Variants in CRISP1 observed in about 807,000 individuals in gnomAD.
CRISP1 encodes cysteine-rich secretory protein 1.
Under a neutral mutation model 33.1 loss-of-function variants are expected in CRISP1, and 44 were observed. That is an observed-to-expected ratio of 1.33 (90% CI 1.05 to 1.71). The LOEUF is 1.71. CRISP1 is among the 40% of genes most tolerant of loss of function. The pLI, the probability that CRISP1 is intolerant of heterozygous loss-of-function variation, is 0.00. For missense variants in CRISP1, 390 were observed against 301.2 expected (o/e 1.29, Z -2.18); for synonymous variants, 103 against 98.7 (o/e 1.04, Z -0.26).
intron 5 of CRISP1, 45 bp downstream of exon 5, chr6:49,846,475 G>A (rs368905208): frequency 7.6e-6 from 12 of 1,575,520 alleles, no homozygotes; most frequent in Non-Finnish European, 1.0e-5. Context: ...CCACACACAT[G>A]CTTATCTCTT....
At chr6:49,837,514 A>G (rs187796154) in intron 7 of CRISP1, among the ~76,000 whole-genome samples, 1 of 152,184 alleles carries the variant, frequency 6.6e-6, no homozygotes, top group East Asian at 1.9e-4. Context: ...GGGTATAAAA[A>G]GTGAAGTGGA....
chr6:49,864,955 G>T (rs965084675), intron 1 of CRISP1, among the ~76,000 whole-genome samples: 17 of 151,016 alleles, frequency 1.1e-4, no homozygotes, highest in Non-Finnish European at 2.2e-4. Context: ...GCATGTGTTG[G>T]CATGTGTGTG....
intron 1 of CRISP1, among the ~76,000 whole-genome samples, chr6:49,873,387 A>G (rs1771968932): frequency 6.6e-6 from 1 of 152,050 alleles, no homozygotes; most frequent in South Asian, 2.1e-4. Context: ...TTGATTAATG[A>G]TTAAATATTA....
At chr6:49,843,743 G>T (rs770331125) in intron 5 of CRISP1, among the ~76,000 whole-genome samples, 10 of 152,194 alleles carry the variant, frequency 6.6e-5, no homozygotes, top group Admixed American at 1.3e-4. Context: ...GAGACTGGAA[G>T]TTCTTAAGTG....
At chr6:49,854,695 C>T (rs976207413) in intron 2 of CRISP1, among the ~76,000 whole-genome samples, 1 of 152,242 alleles carries the variant, frequency 6.6e-6, no homozygotes, top group East Asian at 1.9e-4. Flanking sequence ...AATAGAGCCT[C>T]GCATTTACCT....
intron 5 of CRISP1, 129 bp from the exon 6 acceptor site, chr6:49,841,124 G>A (rs1770973251): frequency 6.6e-6 from 5 of 758,480 alleles, no homozygotes; most frequent in Non-Finnish European, 6.4e-6. Flanking sequence ...GGCTTAATAA[G>A]AAGTCATAGA....
At chr6:49,837,858 A>G (rs544118206) in intron 7 of CRISP1, among the ~76,000 whole-genome samples, 1 of 151,940 alleles carries the variant, frequency 6.6e-6, no homozygotes, top group Non-Finnish European at 1.5e-5. Flanking sequence ...AATGGCACCC[A>G]TTTGGCTAAA....
chr6:49,846,512 C>T lies in CRISP1; in HGVS notation c.435+8G>A. The T allele has an allele frequency of 6.2e-7, 1 of 1,610,724 alleles. No individual in the cohort carries two copies. ...AACAATGTGTGTGTTTGCCAGCACACAGGTTACCTGAGTGTAGTGGTCAGT... is the reference window on the plus strand; with the variant it reads ...AACAATGTGTGTGTTTGCCAGCACATAGGTTACCTGAGTGTAGTGGTCAGT... On this transcript the variant is annotated splice_region_variant and intron_variant, in intron 5 of 7. Transcript: ENST00000335847.
intron 1 of CRISP1, among the ~76,000 whole-genome samples, chr6:49,863,885 T>A (rs1771722750): frequency 6.6e-6 from 1 of 152,254 alleles, no homozygotes; most frequent in South Asian, 2.1e-4. Context: ...CCTCAGTGAA[T>A]CTGTTATTTG....
chr6:49,844,798 G>A (rs570718009), intron 5 of CRISP1, among the ~76,000 whole-genome samples: 1 of 152,300 alleles, frequency 6.6e-6, no homozygotes, highest in African/African-American at 2.4e-5. Context: ...AAATGAGAAT[G>A]TCTATCCTAT....
exon 1 of CRISP1, chr6:49,877,037 A>C (rs944887345): frequency 1.3e-5 from 2 of 151,944 alleles, no homozygotes; most frequent in Non-Finnish European, 2.9e-5. Flanking sequence ...AGTTAAAATA[A>C]AAGTTGAAGA....
At position 49,857,176 on chromosome 6, in the gene CRISP1, A is replaced by T. The variant is rs192912585; in HGVS notation, c.66+159T>A. On this transcript the variant is annotated intron_variant, in intron 2 of 7. Coordinates refer to ENST00000335847, the MANE Select transcript of CRISP1 (RefSeq NM_001131.3). ...TTGGTTCTCTCCTTTATAAAATGGT[A>T]TTAAGATGAGTACTTGCCTAACAGG... Among the ~76,000 whole-genome samples the T allele has an allele frequency of 4.7e-4, 71 of 152,294 alleles. 1 individual carries two copies. Among genetic ancestry groups the T allele is most frequent in the African/African-American group, 1.6e-3 (66 of 41,578 alleles).
chr6:49,848,178 C>A, intron 4 of CRISP1, 31 bp downstream of exon 4: 2 of 1,225,796 alleles, frequency 1.6e-6, no homozygotes, highest in Non-Finnish European at 2.3e-6. Context: ...TTTTTTTAGT[C>A]CAAAGGCGGG....
chr6:49,848,208 C>A lies in CRISP1; in HGVS notation c.286+1G>T. The A allele has an allele frequency of 6.5e-7, 1 of 1,549,678 alleles. No individual in the cohort carries two copies. Among genetic ancestry groups the A allele is most frequent in the Non-Finnish European group, 8.7e-7 (1 of 1,145,250 alleles). ...GGCGGGTCATATAGATACACACTTA[C>A]TTGGAAGTCTCCTCTCAAGGGGGTT... On this transcript the variant is annotated splice_donor_variant, in intron 4 of 7. Transcript: ENST00000335847. LOFTEE classifies it high-confidence loss of function.
chr6:49,844,273 C>A (rs1286970326), intron 5 of CRISP1, among the ~76,000 whole-genome samples: 1 of 152,144 alleles, frequency 6.6e-6, no homozygotes, highest in East Asian at 1.9e-4. Context: ...GGAGGTACTG[C>A]CAGTTTGAAC....
upstream of CRISP1, among the ~76,000 whole-genome samples, chr6:49,867,258 A>C (rs1771820537): frequency 6.6e-6 from 1 of 152,070 alleles, no homozygotes; most frequent in Admixed American, 6.6e-5. Flanking sequence ...AGAATAGAAA[A>C]TTTACTCTGA....
chr6:49,835,216 G>T lies in CRISP1; in HGVS notation c.*100C>A. On this transcript the variant is annotated 3_prime_UTR_variant, in exon 8 of 8. Coordinates refer to ENST00000335847, the MANE Select transcript of CRISP1 (RefSeq NM_001131.3). The stretch of plus-strand genomic sequence containing the variant: ...GGTCTCCAGCATGATTAAAATCAGT[G>T]AAATTTAGCAGAAGCTACTGAACTA... 7.7e-7 allele frequency: 1 copy of T among 1,294,172 alleles called. No individual in the cohort carries two copies. The highest frequency in any genetic ancestry group is 1.1e-6 in the Non-Finnish European group (1 of 941,054). The allele number at this position is 1,294,172 out of a possible 1,614,324, so 80.2% of individuals were successfully genotyped here.
At chr6:49,837,547 C>A (rs1561937609) in intron 7 of CRISP1, among the ~76,000 whole-genome samples, 1 of 150,616 alleles carries the variant, frequency 6.6e-6, no homozygotes, top group Non-Finnish European at 1.5e-5. Flanking sequence ...GAGAGGGAGA[C>A]AGATAGAGAA....
intron 1 of CRISP1, among the ~76,000 whole-genome samples, chr6:49,865,836 G>A (rs1771787078): frequency 6.6e-6 from 1 of 152,180 alleles, no homozygotes; most frequent in Non-Finnish European, 1.5e-5. Flanking sequence ...TGGAAAGACT[G>A]CAGAAAGAAG....
Sources: gnomAD v4.1 joint callset for allele counts (sites outside exome capture counted in the v4.1 genomes callset) on GRCh38, gnomAD v4.1.1 for gene constraint, MANE v1.5 for transcripts, NCBI Gene and HGNC (gene_info 2026-07-23, HGNC 2026-07-21) for gene names.